The following RPH3AL variants were observed in gnomAD, a reference collection of about 807,000 sequenced individuals.
RPH3AL encodes rabphilin 3A like (without C2 domains).
RPH3AL carries 38 observed loss-of-function variants against 43.1 expected under a neutral mutation model. That is an observed-to-expected ratio of 0.88 (90% confidence interval 0.68 to 1.15). The LOEUF is 1.15. Ranked by LOEUF, RPH3AL falls within the 50% of genes most tolerant of loss-of-function variation. The pLI, the probability that RPH3AL is intolerant of heterozygous loss-of-function variation, is 0.00. For missense variants in RPH3AL, 462 were observed against 423.2 expected, an observed-to-expected ratio of 1.09 and a Z score of -0.81; for synonymous variants, 189 against 176.3, an observed-to-expected ratio of 1.07 and a Z score of -0.57.
At chr17:316,047 C>T (rs539658704) in intron 5 of RPH3AL, among the ~76,000 whole-genome samples, 21 of 152,022 alleles carry the variant, frequency 1.4e-4, no homozygotes, top group African/African-American at 4.6e-4. Context: ...CCTGTAGTCC[C>T]TGTGACTCCA....
At chr17:253,225 C>A (rs982284675) in intron 6 of RPH3AL, among the ~76,000 whole-genome samples, 1 of 152,152 alleles carries the variant, frequency 6.6e-6, no homozygotes, top group Non-Finnish European at 1.5e-5. Context: ...GCCTTGGGGG[C>A]TGAGAGTGCT....
Position 213,776 on chromosome 17 carries a change from G to A in RPH3AL, c.*76C>T. On this transcript the variant is annotated 3_prime_UTR_variant, in exon 10 of 10. Transcript: ENST00000331302. ...AACAGGGTGTCTGGTGAGGGCACAAGGACCGGTCAGGGAGGAGCCGGGCAG... is the reference window on the plus strand; with the variant it reads ...AACAGGGTGTCTGGTGAGGGCACAAAGACCGGTCAGGGAGGAGCCGGGCAG... The A allele has an allele frequency of 8.2e-7, 1 of 1,216,600 alleles. No homozygotes were observed. The highest frequency in any genetic ancestry group is 1.3e-5 in the South Asian group (1 of 79,320). The allele number at this position is 1,216,600 out of a possible 1,614,324, so 75.4% of individuals were successfully genotyped here.
chr17:263,191 C>T lies in RPH3AL; in HGVS notation c.439-15906G>A, dbSNP rs148614327. Reference sequence around the variant, plus strand: ...GAGGTGGGCATGGGGGAGGAAGAGGCGGCCTCCATATCCACAGCTCACACA... The same window carrying T: ...GAGGTGGGCATGGGGGAGGAAGAGGTGGCCTCCATATCCACAGCTCACACA... On this transcript the variant is annotated intron_variant, in intron 6 of 9. Transcript: ENST00000331302. 3.2e-4 allele frequency among the ~76,000 whole-genome samples: 49 copies of T among 152,242 alleles called. 1 individual carries two copies. The highest frequency in any genetic ancestry group is 1.2e-3 in the Admixed American group (18 of 15,304).
intron 7 of RPH3AL, among the ~76,000 whole-genome samples, chr17:243,817 G>A (rs1009128166): frequency 7.3e-6 from 1 of 136,890 alleles, no homozygotes; most frequent in Non-Finnish European, 1.5e-5. Context: ...CCCCTCTACT[G>A]ATTACCCTTC....
chr17:286,908 CACCCTCTCTCTCCACCGTCAGACCTCG>C lies in RPH3AL; in HGVS notation c.352-5081_352-5055del, dbSNP rs1381482050. 9.7e-5 allele frequency among the ~76,000 whole-genome samples: 14 copies of C among 143,782 alleles called. 3 individuals are homozygous for C. Among genetic ancestry groups the C allele is most frequent in the East Asian group, 4.2e-4 (2 of 4,804 alleles). 94.3% of individuals were successfully genotyped at this position (143,782 alleles called of 152,430 possible). A position where few individuals can be genotyped will look rare whatever the true frequency, so the allele number is the denominator to read the frequency against. On this transcript the variant is annotated intron_variant, in intron 5 of 9. Transcript: ENST00000331302. ...CACAACTCCAGGCTTTCAGACCTCGCACCCTCTCTCTCCACCGTCAGACCTCGCACCCTCTCTCTCCACCGTCAGACC... is the reference window on the plus strand; with the variant it reads ...CACAACTCCAGGCTTTCAGACCTCGCCACCCTCTCTCTCCACCGTCAGACC...
intron 5 of RPH3AL, among the ~76,000 whole-genome samples, chr17:288,861 ACCCTCTCTCTCCACCGTCAGACCTCACT>A (rs1555558606): frequency 1.1e-4 from 3 of 28,424 alleles, no homozygotes; most frequent in East Asian, 1.4e-3. Context: ...CAGACCTCGC[ACCCTCTCTCTCCACCGTCAGACCTCACT>A]CCCTCTCTCT....
rs2044531698 is a variant in RPH3AL at position 323,344 on chromosome 17, C to G, written c.78-1929G>C. On this transcript the variant is annotated intron_variant, in intron 3 of 9. Transcript: ENST00000331302. The surrounding 1 kb of genome is among the most constrained non-coding windows in gnomAD (Gnocchi z 4.4). ...CTGGGGAAGGAAAATACCGGGGCAG[C>G]AGGGCAGGGCTGGAAGGGGGGCAAG... Among the ~76,000 whole-genome samples, 2 of 152,070 alleles carry G rather than the reference C, an allele frequency of 1.3e-5. No individual in the cohort carries two copies.
Position 322,667 on chromosome 17 carries a change from G to T in RPH3AL, c.78-1252C>A, listed in dbSNP as rs1254457772. On this transcript the variant is annotated intron_variant, in intron 3 of 9. Transcript: ENST00000331302. The surrounding 1 kb of genome is among the most constrained non-coding windows in gnomAD (Gnocchi z 4.0). ...CAGAAGGCAAGAGTCCTGGAGGCAG[G>T]ACCTAGGGCAGCAGGCTGAGGGAGG... Among the ~76,000 whole-genome samples, 1 of 152,108 alleles carries T rather than the reference G, an allele frequency of 6.6e-6. No individual in the cohort carries two copies. The highest frequency in any genetic ancestry group is 1.5e-5 in the Non-Finnish European group (1 of 68,010).
intron 7 of RPH3AL, among the ~76,000 whole-genome samples, chr17:243,473 TA>T: frequency 6.8e-6 from 1 of 148,078 alleles, no homozygotes; most frequent in East Asian, 2.0e-4. Context: ...CTCTATTGAC[TA>T]CCTTCCTCTA....
intron 5 of RPH3AL, among the ~76,000 whole-genome samples, chr17:310,655 C>A (rs535254002): frequency 2.0e-5 from 3 of 152,198 alleles, no homozygotes; most frequent in Non-Finnish European, 4.4e-5. Flanking sequence ...TCCAGCCCCC[C>A]AGGGCTGCCG....
chr17:264,339 CGT>C lies in RPH3AL; in HGVS notation c.439-17056_439-17055del, dbSNP rs1555547295. Among the ~76,000 whole-genome samples the C allele has an allele frequency of 1.5e-4, 13 of 86,370 alleles. 2 individuals carry two copies. The East Asian group carries it at 4.9e-3, about 33-fold the overall frequency. The allele number at this position is 86,370 out of a possible 152,430, so 56.7% of individuals were successfully genotyped here. On this transcript the variant is annotated intron_variant, in intron 6 of 9. Coordinates refer to ENST00000331302, the MANE Select transcript of RPH3AL (RefSeq NM_006987.4). This position sits in a 1 kb window ranked among gnomAD's most constrained non-coding sequence, Gnocchi z 4.8. ...TGACAGCAGGATTACCCTTCGGAGC[CGT>C]GCGCGCTGGATGGGGACTCAGAATC...
At chr17:311,682 C>T (rs982699733) in intron 5 of RPH3AL, among the ~76,000 whole-genome samples, 11 of 152,208 alleles carry the variant, frequency 7.2e-5, no homozygotes, top group African/African-American at 2.7e-4. Flanking sequence ...ACAATTATAA[C>T]GAGACATTTA....
intron 5 of RPH3AL, among the ~76,000 whole-genome samples, chr17:314,635 CCTGTAGTCCCTGTGACTCCACCTCCAT>C (rs2043824712): frequency 8.5e-6 from 1 of 118,122 alleles, no homozygotes; most frequent in Non-Finnish European, 2.0e-5. Context: ...CCTCCATTGA[CCTGTAGTCCCTGTGACTCCACCTCCAT>C]TGACCTGTAG....
intron 5 of RPH3AL, among the ~76,000 whole-genome samples, chr17:293,675 G>A (rs1280447934): frequency 6.6e-6 from 1 of 152,228 alleles, no homozygotes. Flanking sequence ...CTCAACAGGA[G>A]CTTCGGCCAA....
chr17:319,428 A>C lies in RPH3AL; in HGVS notation c.343T>G (p.Cys115Gly). 1 of 1,612,242 alleles carries C rather than the reference A, an allele frequency of 6.2e-7. No homozygotes were observed. The highest frequency in any genetic ancestry group is 8.5e-7 in the Non-Finnish European group (1 of 1,179,798). Residue 115 changes from cysteine to glycine, a missense_variant, in exon 5 of 10, where the codon TGC becomes GGC. Physicochemically the swap from Cys to Gly is radical, Grantham distance 159. Coordinates refer to ENST00000331302, the MANE Select transcript of RPH3AL (RefSeq NM_006987.4). ...CCAGAGCAGGGTCTTACCTTCCTGCAGTCTTTGCAGAACACCGACGAGCTG... is the reference window on the plus strand; with the variant it reads ...CCAGAGCAGGGTCTTACCTTCCTGCCGTCTTTGCAGAACACCGACGAGCTG... Reference protein sequence around the residue: ...LGSSSVFCKDCRKKVCTKCGI... With the variant: ...LGSSSVFCKDGRKKVCTKCGI...
At chr17:237,109 G>C (rs1404524814) in intron 7 of RPH3AL, among the ~76,000 whole-genome samples, 1 of 152,244 alleles carries the variant, frequency 6.6e-6, no homozygotes, top group East Asian at 1.9e-4. Context: ...CGTGGGGTGG[G>C]GGCGGCAGGA....
rs189510659 is a variant in RPH3AL, at chr17:298,432, C to T, written c.352-16578G>A. 1.5e-3 allele frequency among the ~76,000 whole-genome samples: 227 copies of T among 152,294 alleles called. 2 individuals carry two copies. The highest frequency in any genetic ancestry group is 3.9e-3 in the Admixed American group (59 of 15,294). On this transcript the variant is annotated intron_variant, in intron 5 of 9. Transcript: ENST00000331302. ...CCAAGCCAGGCTGGGCACGGTGGCT[C>T]ACCCCTGTAATCCTGGCATTTTGGG...
At chr17:277,493 TGG>T (rs1333593941) in intron 6 of RPH3AL, among the ~76,000 whole-genome samples, 1 of 152,198 alleles carries the variant, frequency 6.6e-6, no homozygotes, top group Non-Finnish European at 1.5e-5. Context: ...CTTAAATATC[TGG>T]GCAATATTAA....
intron 5 of RPH3AL, among the ~76,000 whole-genome samples, chr17:318,883 T>A (rs1018022282): frequency 1.1e-4 from 17 of 152,238 alleles, no homozygotes; most frequent in Non-Finnish European, 2.1e-4. Context: ...AATCCCAGCA[T>A]ACTGCTTGGA....
Sources: gnomAD v4.1 joint callset for allele counts (sites outside exome capture counted in the v4.1 genomes callset) on GRCh38, gnomAD v4.1.1 for gene constraint, Gnocchi (gnomAD v3.1) non-coding constraint, MANE v1.5 for transcripts, NCBI Gene and HGNC (gene_info 2026-07-23, HGNC 2026-07-21) for gene names.